The following CHODL variants were observed in gnomAD, a reference collection of about 807,000 sequenced individuals.
The protein encoded by CHODL is chondrolectin, also known as transmembrane protein MT75.
Under a neutral mutation model 34.5 loss-of-function variants are expected in CHODL, and 29 were observed. The ratio of observed to expected loss-of-function variants is 0.84; its 90% confidence interval spans 0.63 to 1.15. CHODL has a LOEUF of 1.15. Among genes scored for constraint, CHODL ranks in the 50% most tolerant of loss-of-function variants. The pLI is 0.00. For missense variants in CHODL, 332 were observed against 332.5 expected, an observed-to-expected ratio of 1.00 and a Z score of 0.01; for synonymous variants, 125 against 116.1, an observed-to-expected ratio of 1.08 and a Z score of -0.49.
At chr21:17,950,978 T>C (rs1390110845) in intron 1 of CHODL, among the ~76,000 whole-genome samples, 2 of 152,206 alleles carry the variant, frequency 1.3e-5, no homozygotes, top group African/African-American at 4.8e-5. Flanking sequence ...TTAAAGTATT[T>C]CATTGGTTGG....
intron 2 of CHODL, among the ~76,000 whole-genome samples, chr21:18,127,076 A>G (rs1476927592): frequency 6.6e-6 from 1 of 152,224 alleles, no homozygotes; most frequent in African/African-American, 2.4e-5. Context: ...CAGGATTTAA[A>G]TCAAAGATAT....
intron 2 of CHODL, among the ~76,000 whole-genome samples, chr21:18,189,737 C>T (rs879709654): frequency 2.0e-5 from 3 of 150,334 alleles, no homozygotes; most frequent in African/African-American, 4.9e-5. Flanking sequence ...CTGGTTCAAG[C>T]GATTCTCCTG....
At chr21:18,149,510 T>C (rs899194260) in intron 2 of CHODL, among the ~76,000 whole-genome samples, 3 of 152,200 alleles carry the variant, frequency 2.0e-5, no homozygotes, top group Non-Finnish European at 4.4e-5. Flanking sequence ...CATCCTTCTT[T>C]TGCATGTAGA....
At chr21:18,001,771 CTCTTTTT>C (rs980576936) in intron 1 of CHODL, among the ~76,000 whole-genome samples, 2 of 124,498 alleles carry the variant, frequency 1.6e-5, no homozygotes, top group Non-Finnish European at 3.2e-5. Context: ...TGGCCTCATC[CTCTTTTT>C]TTTTTTTTTT....
At chr21:18,090,662 A>AG (rs2065061410) in intron 2 of CHODL, among the ~76,000 whole-genome samples, 2 of 151,668 alleles carry the variant, frequency 1.3e-5, no homozygotes, top group South Asian at 4.2e-4. Context: ...AAATATGAAA[A>AG]GGAAAATAAA....
At chr21:18,179,100 T>C (rs1449531338) in intron 2 of CHODL, among the ~76,000 whole-genome samples, 3 of 152,176 alleles carry the variant, frequency 2.0e-5, no homozygotes, top group African/African-American at 7.2e-5. Context: ...TTGATATTGC[T>C]TTCAAACCTT....
intron 2 of CHODL, among the ~76,000 whole-genome samples, chr21:18,229,300 A>G (rs1374154611): frequency 6.6e-6 from 1 of 152,148 alleles, no homozygotes; most frequent in African/African-American, 2.4e-5. Context: ...ACAACCCACA[A>G]TACTTCAATG....
intron 2 of CHODL, among the ~76,000 whole-genome samples, chr21:18,228,299 A>C (rs1176024430): frequency 1.3e-5 from 2 of 152,186 alleles, no homozygotes; most frequent in Admixed American, 1.3e-4. Flanking sequence ...ACAAGTAGTC[A>C]TTAGGCCATG....
chr21:18,104,473 C>T (rs991370721), intron 2 of CHODL, among the ~76,000 whole-genome samples: 7 of 152,156 alleles, frequency 4.6e-5, no homozygotes, highest in African/African-American at 1.2e-4. Context: ...TCAATTAAAC[C>T]TCACTTTCCT....
chr21:18,054,396 G>A (rs913797747), intron 2 of CHODL, among the ~76,000 whole-genome samples: 1 of 151,966 alleles, frequency 6.6e-6, no homozygotes, highest in Admixed American at 6.6e-5. Flanking sequence ...GTTTAAAGCT[G>A]GATGATGTAG....
At chr21:18,085,881 G>A (rs1338811335) in intron 2 of CHODL, among the ~76,000 whole-genome samples, 4 of 151,986 alleles carry the variant, frequency 2.6e-5, no homozygotes, top group African/African-American at 9.7e-5. Flanking sequence ...GGCCTTCTAT[G>A]TCTGGATTTC....
chr21:17,953,352 A>G (rs2063473399), intron 1 of CHODL, among the ~76,000 whole-genome samples: 1 of 152,158 alleles, frequency 6.6e-6, no homozygotes, highest in Non-Finnish European at 1.5e-5. Flanking sequence ...CTGTAGTCCT[A>G]GCTATTCAGG....
At chr21:18,044,855 A>C (rs2064422248) in intron 2 of CHODL, among the ~76,000 whole-genome samples, 1 of 151,870 alleles carries the variant, frequency 6.6e-6, no homozygotes. Flanking sequence ...TAAGGGCTTA[A>C]TTTATGTATT....
upstream of CHODL, among the ~76,000 whole-genome samples, chr21:18,242,177 A>G (rs1384607762): frequency 1.3e-5 from 2 of 152,108 alleles, no homozygotes; most frequent in East Asian, 3.9e-4. Context: ...TTTCTGGATC[A>G]ATTTGCAAAC....
chr21:18,143,029 A>T (rs2072821343), intron 2 of CHODL, among the ~76,000 whole-genome samples: 1 of 152,222 alleles, frequency 6.6e-6, no homozygotes, highest in Non-Finnish European at 1.5e-5. Context: ...CAGAGTATTC[A>T]GTAATTTTTA....
rs564768309 is a variant in CHODL at position 17,967,104 on chromosome 21, C to T, written c.-145+49704C>T. 1.1e-4 allele frequency among the ~76,000 whole-genome samples: 17 copies of T among 152,134 alleles called. No homozygotes were observed. The South Asian group carries it at 2.1e-3, about 19-fold the overall frequency. On this transcript the variant is annotated intron_variant, in intron 1 of 6. Transcript: ENST00000400127. ...TTCACCATGTTGACCATGCTAGTCTCGAACTCTTGACCTCTAGTGATGTGC... is the reference window on the plus strand; with the variant it reads ...TTCACCATGTTGACCATGCTAGTCTTGAACTCTTGACCTCTAGTGATGTGC...
chr21:18,008,147 T>G (rs1262813219), intron 1 of CHODL, among the ~76,000 whole-genome samples: 1 of 151,910 alleles, frequency 6.6e-6, no homozygotes, highest in Non-Finnish European at 1.5e-5. Flanking sequence ...TTTTTCTTCT[T>G]TTTTTTAAAA....
intron 2 of CHODL, among the ~76,000 whole-genome samples, chr21:18,157,860 T>A (rs2073052211): frequency 6.6e-6 from 1 of 152,070 alleles, no homozygotes; most frequent in Non-Finnish European, 1.5e-5. Context: ...ATTAATACAA[T>A]AATTATTAAT....
chr21:18,176,396 G>C (rs1370070212), intron 2 of CHODL, among the ~76,000 whole-genome samples: 2 of 152,088 alleles, frequency 1.3e-5, no homozygotes, highest in Non-Finnish European at 2.9e-5. Context: ...CATGTTCATT[G>C]TGCATATCTA....
Sources: allele counts gnomAD v4.1 joint callset (sites outside exome capture counted in the v4.1 genomes callset), GRCh38; gene constraint gnomAD v4.1.1; transcripts MANE v1.5; gene names NCBI Gene and HGNC (gene_info 2026-07-23, HGNC 2026-07-21).